The following PDE3B variants were observed in gnomAD, a reference collection of about 807,000 sequenced individuals.
PDE3B encodes the protein cGMP-inhibited 3',5'-cyclic phosphodiesterase 3B.
Under a neutral mutation model 116.8 loss-of-function variants are expected in PDE3B, and 66 were observed. That is an observed-to-expected ratio of 0.56 (90% CI 0.46 to 0.69). The LOEUF (loss-of-function observed/expected upper bound fraction) is 0.69, where lower values mean the gene tolerates loss of function less well. Among genes scored for constraint, PDE3B ranks in the 30% least tolerant of loss-of-function variants. The pLI is 0.00. For synonymous variants in PDE3B, 595 were observed against 533.6 expected (o/e 1.12, Z -1.59); for missense variants, 1,384 against 1,368.1 (o/e 1.01, Z -0.18).
At chr11:14,855,591 T>A (rs1455588544) in intron 12 of PDE3B, among the ~76,000 whole-genome samples, 1 of 152,056 alleles carries the variant, frequency 6.6e-6, no homozygotes, top group Non-Finnish European at 1.5e-5. Flanking sequence ...TTGCCCCTCA[T>A]CGAACTTACA....
the PDE3B span, among the ~76,000 whole-genome samples, chr11:14,889,855 G>A: frequency 4.6e-5 from 7 of 152,148 alleles, no homozygotes; most frequent in African/African-American, 1.2e-4. Context: ...TAGGCCGGGC[G>A]CAGTGGCTCA....
intron 1 of PDE3B, among the ~76,000 whole-genome samples, chr11:14,650,870 G>A (rs1217238653): frequency 2.0e-5 from 3 of 151,874 alleles, no homozygotes; most frequent in Non-Finnish European, 2.9e-5. Flanking sequence ...CTCCCAGAAA[G>A]TATTGAAGCC....
chr11:14,872,076 A>G (rs552011555), downstream of PDE3B: 1 of 152,248 alleles, frequency 6.6e-6, no homozygotes, highest in Admixed American at 6.5e-5. Flanking sequence ...TCCTGCTATT[A>G]TTTCATTACT....
intron 1 of PDE3B, among the ~76,000 whole-genome samples, chr11:14,745,562 CCAT>C (rs1258654104): frequency 6.6e-6 from 1 of 152,196 alleles, no homozygotes; most frequent in East Asian, 1.9e-4. Context: ...TTTCTGCTCA[CCAT>C]CATTTGTCAA....
At chr11:14,668,007 G>T (rs957113482) in intron 1 of PDE3B, among the ~76,000 whole-genome samples, 2 of 151,526 alleles carry the variant, frequency 1.3e-5, no homozygotes, top group Non-Finnish European at 1.5e-5. Flanking sequence ...ATACATTTTG[G>T]CCAAAAGCTT....
chr11:14,783,494 C>T (rs948384876), intron 2 of PDE3B, among the ~76,000 whole-genome samples: 1 of 152,000 alleles, frequency 6.6e-6, no homozygotes, highest in African/African-American at 2.4e-5. Context: ...TCATTCTGAG[C>T]AAGCTATCGC....
intron 1 of PDE3B, among the ~76,000 whole-genome samples, chr11:14,734,604 T>C (rs540765664): frequency 6.6e-6 from 1 of 152,310 alleles, no homozygotes; most frequent in African/African-American, 2.4e-5. Context: ...TAATATGAAG[T>C]ATATTAATTG....
chr11:14,786,999 T>C (rs575728351), intron 3 of PDE3B, among the ~76,000 whole-genome samples: 1 of 152,178 alleles, frequency 6.6e-6, no homozygotes, highest in African/African-American at 2.4e-5. Context: ...ACGTTATTGC[T>C]CTATTTTATT....
intron 12 of PDE3B, among the ~76,000 whole-genome samples, chr11:14,845,116 G>C (rs1033038253): frequency 6.6e-6 from 1 of 151,934 alleles, no homozygotes; most frequent in African/African-American, 2.4e-5. Context: ...CACCTCACAC[G>C]GCTGGGTACT....
intron 1 of PDE3B, among the ~76,000 whole-genome samples, chr11:14,721,563 G>T (rs1428194923): frequency 1.3e-5 from 2 of 151,122 alleles, no homozygotes. Context: ...AGAAAATGTG[G>T]CACATATACA....
chr11:14,782,527 T>G (rs540127018), intron 2 of PDE3B, among the ~76,000 whole-genome samples: 106 of 152,320 alleles, frequency 7.0e-4, no homozygotes, highest in African/African-American at 2.3e-3. Flanking sequence ...GCCTATTTAA[T>G]AAATGGTATT....
chr11:14,835,604 C>T (rs1380682105), intron 11 of PDE3B, among the ~76,000 whole-genome samples: 1 of 152,092 alleles, frequency 6.6e-6, no homozygotes, highest in Non-Finnish European at 1.5e-5. Context: ...TATTCCTTAT[C>T]ATAAATATAA....
downstream of PDE3B, among the ~76,000 whole-genome samples, chr11:14,875,288 G>A (rs1848179239): frequency 6.6e-6 from 1 of 151,982 alleles, no homozygotes; most frequent in Non-Finnish European, 1.5e-5. Flanking sequence ...TTTATTTGTG[G>A]TTTTCTATAT....
At chr11:14,834,568 C>A (rs1022855680) in intron 10 of PDE3B, among the ~76,000 whole-genome samples, 4 of 152,208 alleles carry the variant, frequency 2.6e-5, no homozygotes, top group African/African-American at 7.2e-5. Context: ...AAGCCTGAGA[C>A]ATAGTATTTC....
At chr11:14,714,832 G>A (rs1855828670) in intron 1 of PDE3B, among the ~76,000 whole-genome samples, 3 of 152,236 alleles carry the variant, frequency 2.0e-5, no homozygotes, top group East Asian at 1.9e-4. Flanking sequence ...AGTGGTTACT[G>A]TATGAGACAT....
At chr11:14,840,400 T>TTCATAAATTTG (rs1166408126) in intron 11 of PDE3B, among the ~76,000 whole-genome samples, 11 of 152,206 alleles carry the variant, frequency 7.2e-5, no homozygotes, top group Non-Finnish European at 1.5e-4. Flanking sequence ...GATCCTCCAG[T>TTCATAAATTTG]TCATAAATTT....
intron 12 of PDE3B, among the ~76,000 whole-genome samples, chr11:14,851,509 G>GGGGTGTGT (rs148266636): frequency 6.7e-6 from 1 of 148,446 alleles, no homozygotes; most frequent in Non-Finnish European, 1.5e-5. Context: ...GGTATAATGG[G>GGGGTGTGT]GTGTGTGTGT....
chr11:14,727,219 G>T (rs1209746292), intron 1 of PDE3B, among the ~76,000 whole-genome samples: 1 of 152,054 alleles, frequency 6.6e-6, no homozygotes, highest in Non-Finnish European at 1.5e-5. Context: ...TATCATAGAT[G>T]ATTTCAAATG....
At chr11:14,648,688 A>G (rs1188630422) in intron 1 of PDE3B, among the ~76,000 whole-genome samples, 1 of 152,132 alleles carries the variant, frequency 6.6e-6, no homozygotes. Context: ...TTCATTGTCC[A>G]CAGGATACTG....
Sources: gnomAD v4.1 joint callset for allele counts (sites outside exome capture counted in the v4.1 genomes callset) on GRCh38, gnomAD v4.1.1 for gene constraint, MANE v1.5 for transcripts, NCBI Gene and HGNC (gene_info 2026-07-23, HGNC 2026-07-21) for gene names.